KCNN3: variants seen among roughly 807,000 people sequenced by gnomAD.
The protein encoded by KCNN3 is small conductance calcium-activated potassium channel protein 3.
Under a neutral mutation model 62.9 loss-of-function variants are expected in KCNN3, and 16 were observed. The ratio of observed to expected loss-of-function variants is 0.25; its 90% confidence interval spans 0.17 to 0.39. The LOEUF (loss-of-function observed/expected upper bound fraction) is 0.39, where lower values mean the gene tolerates loss of function less well. KCNN3 is among the 10% of genes least tolerant of loss of function. The pLI, the probability that KCNN3 is intolerant of heterozygous loss-of-function variation, is 1.00. For missense variants in KCNN3, 599 were observed against 949.4 expected (o/e 0.63, Z 4.85); for synonymous variants, 370 against 389.2 (o/e 0.95, Z 0.58).
intron 3 of KCNN3, among the ~76,000 whole-genome samples, chr1:154,750,834 GCATCAGCTCAGAGGCC>G (rs1647343587): frequency 6.6e-6 from 1 of 152,148 alleles, no homozygotes; most frequent in Non-Finnish European, 1.5e-5. Context: ...CTCCTGGGGA[GCATCAGCTCAGAGGCC>G]CAGGACCCCC....
At chr1:154,760,856 G>T (rs1193904343) in intron 3 of KCNN3, among the ~76,000 whole-genome samples, 1 of 152,244 alleles carries the variant, frequency 6.6e-6, no homozygotes, top group Non-Finnish European at 1.5e-5. Context: ...GCGCGCGCCC[G>T]CGAAGAAGCA....
chr1:154,838,782 G>A (rs563784097), intron 1 of KCNN3, among the ~76,000 whole-genome samples: 3 of 152,204 alleles, frequency 2.0e-5, no homozygotes, highest in African/African-American at 7.2e-5. Context: ...AGCTCTTTGA[G>A]TGTGGGAACC....
At chr1:154,788,489 T>C (rs11584635) in intron 2 of KCNN3, among the ~76,000 whole-genome samples, 39,307 of 152,124 alleles carry the variant, frequency 0.26, 5,692 homozygotes, top group Middle Eastern at 0.34. Context: ...AAGTAACAGC[T>C]ATTAATATTT....
intron 5 of KCNN3, 93 bp downstream of exon 5, chr1:154,725,823 G>T (rs766624453): frequency 1.8e-5 from 16 of 898,428 alleles, no homozygotes; most frequent in African/African-American, 3.2e-5. Flanking sequence ...GATTACAGGC[G>T]TGAGCCACTG....
chr1:154,845,413 C>G (rs1652013022), intron 1 of KCNN3, among the ~76,000 whole-genome samples: 1 of 152,198 alleles, frequency 6.6e-6, no homozygotes, highest in African/African-American at 2.4e-5. Context: ...AGCCAGCTCA[C>G]CGGCTCCAAA....
chr1:154,737,163 A>G, intron 3 of KCNN3: 1 of 498,338 alleles, frequency 2.0e-6, no homozygotes, highest in South Asian at 2.0e-5. Context: ...ACATGTCACA[A>G]ACTCACATAC....
chr1:154,771,675 A>T (rs1048636015), intron 3 of KCNN3, among the ~76,000 whole-genome samples: 3 of 152,212 alleles, frequency 2.0e-5, no homozygotes, highest in Non-Finnish European at 4.4e-5. Flanking sequence ...GTAAGTTGCA[A>T]TGTGTTATAT....
intron 3 of KCNN3, among the ~76,000 whole-genome samples, chr1:154,749,317 C>T (rs1248862118): frequency 6.6e-6 from 1 of 152,228 alleles, no homozygotes; most frequent in Admixed American, 6.5e-5. Flanking sequence ...GTGTCTTGCT[C>T]TTCTCAGTTA....
chr1:154,793,297 C>G (rs1215541794), intron 2 of KCNN3, among the ~76,000 whole-genome samples: 1 of 152,194 alleles, frequency 6.6e-6, no homozygotes, highest in East Asian at 1.9e-4. Context: ...TGCACCACCC[C>G]TCCTCTTGGC....
At chr1:154,810,187 C>T (rs1464367518) in intron 2 of KCNN3, among the ~76,000 whole-genome samples, 12 of 152,026 alleles carry the variant, frequency 7.9e-5, no homozygotes, top group African/African-American at 2.9e-4. Context: ...AGAATATGGG[C>T]GGGGAAACAG....
At chr1:154,838,680 T>C (rs754224239) in intron 1 of KCNN3, among the ~76,000 whole-genome samples, 26 of 152,184 alleles carry the variant, frequency 1.7e-4, no homozygotes, top group Non-Finnish European at 3.1e-4. Context: ...CCTCCAGAGC[T>C]GCCTCCGCCT....
chr1:154,822,840 G>A (rs573702414), intron 1 of KCNN3, among the ~76,000 whole-genome samples: 21 of 152,318 alleles, frequency 1.4e-4, no homozygotes, highest in African/African-American at 5.1e-4. Context: ...AGGTGGGGGA[G>A]GTGAGCCCCG....
In KCNN3 at chr1:154,862,925, C is replaced by T. The variant is rs938793214; in HGVS notation, c.933+6107G>A. The stretch of plus-strand genomic sequence containing the variant: ...AAGGGAAAGGGCATGAACTTGGGAG[C>T]TAAACGGGCTTGGGTTCTTATCTCA... On this transcript the variant is annotated intron_variant, in intron 1 of 7. Coordinates refer to ENST00000271915, the MANE Select transcript of KCNN3 (RefSeq NM_002249.6). This position sits in a 1 kb window ranked among gnomAD's most constrained non-coding sequence, Gnocchi z 4.1. Among the ~76,000 whole-genome samples, 1 of 152,182 alleles carries T rather than the reference C, an allele frequency of 6.6e-6. No homozygotes were observed. The highest frequency in any genetic ancestry group is 2.4e-5 in the African/African-American group (1 of 41,440).
Position 154,703,310 on chromosome 1 carries a change from G to A in KCNN3, c.*4666C>T, listed in dbSNP as rs1699898018. On this transcript the variant is annotated 3_prime_UTR_variant, in exon 8 of 8. Transcript: ENST00000271915. The stretch of plus-strand genomic sequence containing the variant: ...TTCCCTAATGTTTATTTTGGCGGCA[G>A]TAGAGAAGGAAAGGATACTGTCTGG... The A allele has an allele frequency of 6.6e-6, 1 of 152,112 alleles. No homozygotes were observed. Among genetic ancestry groups the A allele is most frequent in the Non-Finnish European group, 1.5e-5 (1 of 68,026 alleles). 9.4% of individuals were successfully genotyped at this position (152,112 alleles called of 1,614,324 possible). A position where few individuals can be genotyped will look rare whatever the true frequency, so the allele number is the denominator to read the frequency against.
At chr1:154,867,367 A>G (rs2101940193) in intron 1 of KCNN3, among the ~76,000 whole-genome samples, 1 of 152,256 alleles carries the variant, frequency 6.6e-6, no homozygotes, top group Non-Finnish European at 1.5e-5. Context: ...CTCATCCTTG[A>G]GCTATTTTGA....
At chr1:154,733,181 C>T (rs1218881300) in intron 3 of KCNN3, 37 bp from the exon 4 acceptor site, 5 of 1,613,062 alleles carry the variant, frequency 3.1e-6, no homozygotes, top group Non-Finnish European at 3.4e-6. Flanking sequence ...CGATGAACAG[C>T]CATTCCTGGG....
intron 3 of KCNN3, among the ~76,000 whole-genome samples, chr1:154,761,341 G>A (rs1359126627): frequency 2.6e-5 from 4 of 152,148 alleles, no homozygotes; most frequent in Non-Finnish European, 5.9e-5. Flanking sequence ...GGTGGCGCAC[G>A]CCTGTAATCC....
At chr1:154,846,972 G>A (rs1356497366) in intron 1 of KCNN3, among the ~76,000 whole-genome samples, 12 of 152,254 alleles carry the variant, frequency 7.9e-5, no homozygotes, top group East Asian at 5.8e-4. Context: ...AGCAGGCACC[G>A]GACTCGGAGT....
rs948821957 is a variant in KCNN3 at position 154,769,683 on chromosome 1, C to G, written c.1448+2292G>C. ...ATCTGAAATACATGCCAGAGAGCAT[C>G]TGAGGAAGTGAAAGACTTCAAATAG... On this transcript the variant is annotated intron_variant, in intron 3 of 7. Coordinates refer to ENST00000271915, the MANE Select transcript of KCNN3 (RefSeq NM_002249.6). Among the ~76,000 whole-genome samples the G allele has an allele frequency of 1.3e-5, 2 of 152,304 alleles. 1 individual carries two copies. The highest frequency in any genetic ancestry group is 2.9e-5 in the Non-Finnish European group (2 of 68,024).
Sources: gnomAD v4.1 joint callset for allele counts (sites outside exome capture counted in the v4.1 genomes callset) on GRCh38, gnomAD v4.1.1 for gene constraint, Gnocchi (gnomAD v3.1) non-coding constraint, MANE v1.5 for transcripts, NCBI Gene and HGNC (gene_info 2026-07-23, HGNC 2026-07-21) for gene names.